Variants in FAM210A observed in about 807,000 individuals in gnomAD.
The protein encoded by FAM210A is family with sequence similarity 210 member A.
FAM210A carries 13 observed loss-of-function variants against 25.3 expected under a neutral mutation model. The ratio of observed to expected loss-of-function variants is 0.51; its 90% CI spans 0.33 to 0.82. FAM210A has a LOEUF of 0.82. FAM210A is among the 40% of genes least tolerant of loss of function. The pLI is 0.02. For missense variants in FAM210A, 319 were observed against 323.2 expected, an observed-to-expected ratio of 0.99 and a Z score of 0.10; for synonymous variants, 125 against 118.7, an observed-to-expected ratio of 1.05 and a Z score of -0.35.
At chr18:13,710,429 T>C (rs1177552979) in intron 1 of FAM210A, 2 of 152,216 alleles carry the variant, frequency 1.3e-5, no homozygotes, top group Non-Finnish European at 1.5e-5. Flanking sequence ...GGTGATCTGC[T>C]CACCTCAGCC....
chr18:13,714,510 C>A (rs1181340430), intron 1 of FAM210A, among the ~76,000 whole-genome samples: 1 of 152,066 alleles, frequency 6.6e-6, no homozygotes, highest in Non-Finnish European at 1.5e-5. Context: ...AAGTTTTGAG[C>A]AAGAAAGTGA....
chr18:13,688,387 CG>C (rs1422121302), intron 1 of FAM210A, among the ~76,000 whole-genome samples: 1 of 152,292 alleles, frequency 6.6e-6, no homozygotes, highest in East Asian at 1.9e-4. Flanking sequence ...AGTGGCTGGA[CG>C]TCAGGAAAAA....
At chr18:13,683,339 A>C (rs2149057543) in intron 1 of FAM210A, among the ~76,000 whole-genome samples, 1 of 152,256 alleles carries the variant, frequency 6.6e-6, no homozygotes, top group African/African-American at 2.4e-5. Context: ...CCCCCATATC[A>C]ATGGTGGAGA....
chr18:13,718,819 A>T (rs1337994129), intron 1 of FAM210A, among the ~76,000 whole-genome samples: 1 of 152,224 alleles, frequency 6.6e-6, no homozygotes, highest in African/African-American at 2.4e-5. Context: ...GTAAATCGCA[A>T]TAGAACCTGT....
rs767337769 is a variant in FAM210A at position 13,681,716 on chromosome 18, C to T, written c.362G>A (p.Ser121Asn). The change falls in exon 2 of 4, where the codon AGT becomes AAT. Residue 121 changes from serine to asparagine, a missense_variant. Transcript: ENST00000651643. ...TGTCTTCTTGAATCGTTGATAAAGACTAATAGATTTGTCTTGCAAAGGATC... is the reference window on the plus strand; with the variant it reads ...TGTCTTCTTGAATCGTTGATAAAGATTAATAGATTTGTCTTGCAAAGGATC... ...EPDPLQDKSI[S>N]LYQRFKKTFR... 2.5e-6 allele frequency: 4 copies of T among 1,614,180 alleles called. No individual in the cohort carries two copies. The Admixed American group carries it at 6.7e-5, about 27-fold the overall frequency.
chr18:13,672,997 G>A (rs1178784889), intron 2 of FAM210A, among the ~76,000 whole-genome samples: 4 of 152,084 alleles, frequency 2.6e-5, no homozygotes, highest in Non-Finnish European at 4.4e-5. Context: ...CCTGAGACCC[G>A]ACTTCTTTTA....
At position 13,666,382 on chromosome 18, in the gene FAM210A, G is replaced by A. The variant is rs997103651; in HGVS notation, c.*98C>T. On this transcript the variant is annotated 3_prime_UTR_variant, in exon 4 of 4. Coordinates refer to ENST00000651643, the MANE Select transcript of FAM210A (RefSeq NM_152352.4). ...AACCCTCAGAGAACTAGTATATTTC[G>A]GCAACTAACCAAAAAAATAATCAGA... 4 of 894,682 alleles carry A rather than the reference G, an allele frequency of 4.5e-6. No individual in the cohort carries two copies. The highest frequency in any genetic ancestry group is 3.5e-5 in the South Asian group (2 of 56,838). 55.4% of individuals were successfully genotyped at this position (894,682 alleles called of 1,614,324 possible). A position where few individuals can be genotyped will look rare whatever the true frequency, so the allele number is the denominator to read the frequency against.
intron 2 of FAM210A, among the ~76,000 whole-genome samples, chr18:13,674,847 G>A (rs61568927): frequency 0.022 from 762 of 35,256 alleles, no homozygotes; most frequent in Middle Eastern, 0.061. Context: ...CCTGAGCCCT[G>A]GCTTCTTGAT....
At chr18:13,668,152 G>A (rs1351905427) in intron 3 of FAM210A, among the ~76,000 whole-genome samples, 4 of 152,116 alleles carry the variant, frequency 2.6e-5, no homozygotes, top group Non-Finnish European at 5.9e-5. Context: ...CTAAACTCAC[G>A]TTAAGCAAGC....
At position 13,679,264 on chromosome 18, in the gene FAM210A, T is replaced by A. The variant is rs529430019; in HGVS notation, c.473+2341A>T. ...GCTACAAACTATTTTTCTCCCTTTC[T>A]TTTAATAGTAAGTAGGCAACAAGCA... On this transcript the variant is annotated intron_variant, in intron 2 of 3. Coordinates refer to ENST00000651643, the MANE Select transcript of FAM210A (RefSeq NM_152352.4). 2.4e-4 allele frequency among the ~76,000 whole-genome samples: 36 copies of A among 152,364 alleles called. 1 individual carries two copies. In the East Asian group the frequency reaches 6.5e-3, roughly 28 times the overall value.
chr18:13,700,586 C>T (rs912970167), intron 1 of FAM210A, among the ~76,000 whole-genome samples: 3 of 152,176 alleles, frequency 2.0e-5, no homozygotes, highest in African/African-American at 4.8e-5. Flanking sequence ...TCTCACTTCT[C>T]GATTAATCAG....
intron 3 of FAM210A, among the ~76,000 whole-genome samples, chr18:13,669,529 T>C (rs2043426264): frequency 6.6e-6 from 1 of 152,124 alleles, no homozygotes; most frequent in South Asian, 2.1e-4. Flanking sequence ...AGCAACTCTC[T>C]CACCTTCTCA....
chr18:13,689,080 C>T (rs546864687), intron 1 of FAM210A, among the ~76,000 whole-genome samples: 1 of 152,358 alleles, frequency 6.6e-6, no homozygotes, highest in South Asian at 2.1e-4. Flanking sequence ...TGCATCACTT[C>T]CTTCATCCCT....
intron 2 of FAM210A, among the ~76,000 whole-genome samples, chr18:13,678,524 A>G (rs1383947887): frequency 1.3e-5 from 2 of 152,168 alleles, no homozygotes; most frequent in African/African-American, 4.8e-5. Flanking sequence ...TCCTGACCTC[A>G]GACGATCCGC....
chr18:13,666,954 T>C (rs1331236099), intron 3 of FAM210A, among the ~76,000 whole-genome samples: 1 of 152,190 alleles, frequency 6.6e-6, no homozygotes. Flanking sequence ...AACAGAATCA[T>C]AGCACTGATG....
At chr18:13,688,613 G>A (rs1191688212) in intron 1 of FAM210A, among the ~76,000 whole-genome samples, 2 of 152,222 alleles carry the variant, frequency 1.3e-5, no homozygotes, top group African/African-American at 4.8e-5. Context: ...AATTCAGGAG[G>A]TGCCAAGTGT....
intron 3 of FAM210A, among the ~76,000 whole-genome samples, chr18:13,668,708 C>T (rs945764054): frequency 6.6e-6 from 1 of 152,188 alleles, no homozygotes; most frequent in East Asian, 1.9e-4. Context: ...AAGGTATAGC[C>T]TATTGCTCCT....
intron 1 of FAM210A, among the ~76,000 whole-genome samples, chr18:13,708,687 T>A (rs1321239558): frequency 6.6e-6 from 1 of 152,214 alleles, no homozygotes; most frequent in Non-Finnish European, 1.5e-5. Flanking sequence ...ATTTCACTGG[T>A]CATGCCCTTG....
rs1158412153 is a variant in FAM210A at position 13,666,671 on chromosome 18, A to T, written c.628T>A (p.Ser210Thr). Reference sequence around the variant, plus strand: ...CTGCGCAGATACTTCACAGTGACAGATGTTCCTCCCAAAGTCACGGTATAC... The same window carrying T: ...CTGCGCAGATACTTCACAGTGACAGTTGTTCCTCCCAAAGTCACGGTATAC... ...ARYTVTLGGT[S>T]VTVKYLRSHG... Residue 210 changes from serine to threonine, a missense_variant, in exon 4 of 4, where the codon TCT becomes ACT. Physicochemically the swap from Ser to Thr is moderately conservative, Grantham distance 58. Transcript: ENST00000651643. 4 of 1,614,054 alleles carry T rather than the reference A, an allele frequency of 2.5e-6. No homozygotes were observed. The highest frequency in any genetic ancestry group is 3.4e-6 in the Non-Finnish European group (4 of 1,180,034).
Sources: gnomAD v4.1 joint callset for allele counts (sites outside exome capture counted in the v4.1 genomes callset) on GRCh38, gnomAD v4.1.1 for gene constraint, MANE v1.5 for transcripts, NCBI Gene and HGNC (gene_info 2026-07-23, HGNC 2026-07-21) for gene names.